DPP10: variants seen among roughly 807,000 people sequenced by gnomAD.
DPP10 encodes the protein inactive dipeptidyl peptidase 10.
DPP10 carries 33 observed loss-of-function variants against 120.9 expected under a neutral mutation model. The observed-to-expected ratio is 0.27, with a 90% CI of 0.21 to 0.37. The LOEUF is 0.37. DPP10 is among the 10% of genes least tolerant of loss of function. DPP10 has a pLI of 1.00. For missense variants in DPP10, 816 were observed against 942.8 expected, an observed-to-expected ratio of 0.87 and a Z score of 1.76; for synonymous variants, 337 against 326.1, an observed-to-expected ratio of 1.03 and a Z score of -0.36.
chr2:115,342,017 C>A, intron 2 of DPP10: 2 of 364,328 alleles, frequency 5.5e-6, no homozygotes, highest in South Asian at 2.1e-5. Context: ...TAAGAAAATG[C>A]CAGATTATTT....
At chr2:114,597,935 C>A (rs954881268) in intron 1 of DPP10, among the ~76,000 whole-genome samples, 1 of 151,814 alleles carries the variant, frequency 6.6e-6, no homozygotes, top group African/African-American at 2.4e-5. Flanking sequence ...GTATGCAGTA[C>A]AATAATCTGG....
intron 1 of DPP10, among the ~76,000 whole-genome samples, chr2:114,612,582 A>G (rs916964113): frequency 1.3e-5 from 2 of 152,134 alleles, no homozygotes; most frequent in African/African-American, 4.8e-5. Flanking sequence ...AGGTAAGGCT[A>G]TCCTAAACCT....
chr2:114,984,624 T>G (rs1353702994), intron 1 of DPP10, among the ~76,000 whole-genome samples: 1 of 152,004 alleles, frequency 6.6e-6, no homozygotes, highest in Non-Finnish European at 1.5e-5. Context: ...AAAACCTGTC[T>G]AAATAAATAA....
chr2:115,739,706 C>T (rs1677013572), intron 8 of DPP10, 33 bp from the exon 9 acceptor site: 2 of 1,607,650 alleles, frequency 1.2e-6, no homozygotes, highest in Non-Finnish European at 1.7e-6. Context: ...CACATCTCTA[C>T]AGTTGGTCTC....
chr2:115,428,578 T>C (rs1031573255), intron 3 of DPP10, among the ~76,000 whole-genome samples: 2 of 151,922 alleles, frequency 1.3e-5, no homozygotes, highest in Non-Finnish European at 2.9e-5. Context: ...CCACACACTT[T>C]TAAACAACCA....
chr2:114,721,091 C>G (rs565408647), intron 1 of DPP10, among the ~76,000 whole-genome samples: 1 of 152,342 alleles, frequency 6.6e-6, no homozygotes, highest in African/African-American at 2.4e-5. Flanking sequence ...ACGAGGTAGA[C>G]TTCCAGTGCC....
At chr2:115,693,448 C>G (rs925329677) in intron 7 of DPP10, among the ~76,000 whole-genome samples, 3 of 152,020 alleles carry the variant, frequency 2.0e-5, no homozygotes, top group Non-Finnish European at 2.9e-5. Flanking sequence ...ACACAGAAAC[C>G]CAAGACAACT....
In DPP10 at chr2:114,453,481, C is replaced by T. The variant is rs113603718; in HGVS notation, c.60+10643C>T. Among the ~76,000 whole-genome samples, 1,495 of 152,140 alleles carry T rather than the reference C, an allele frequency of 9.8e-3. 14 individuals are homozygous for T. The highest frequency in any genetic ancestry group is 0.015 in the Non-Finnish European group (998 of 67,978). Reference sequence around the variant, plus strand: ...ATGAAACAAAATAATGGTGATATCCCTCATCAAATAATTAGGGTTCTCAGG... The same window carrying T: ...ATGAAACAAAATAATGGTGATATCCTTCATCAAATAATTAGGGTTCTCAGG... On this transcript the variant is annotated intron_variant, in intron 1 of 25. Transcript: ENST00000410059.
At chr2:115,086,279 C>T (rs556021776) in intron 1 of DPP10, among the ~76,000 whole-genome samples, 2 of 152,200 alleles carry the variant, frequency 1.3e-5, no homozygotes, top group Admixed American at 6.5e-5. Context: ...TTGGTCTCTA[C>T]GATCTTTTAT....
chr2:115,372,004 A>G (rs1323458130), intron 3 of DPP10, among the ~76,000 whole-genome samples: 1 of 152,132 alleles, frequency 6.6e-6, no homozygotes, highest in Non-Finnish European at 1.5e-5. Flanking sequence ...GGGACTTTAT[A>G]TGCTAATTTT....
At chr2:115,444,654 A>T (rs1228409213) in intron 3 of DPP10, among the ~76,000 whole-genome samples, 3 of 152,158 alleles carry the variant, frequency 2.0e-5, no homozygotes, top group Non-Finnish European at 4.4e-5. Flanking sequence ...TGGGTTTTAG[A>T]CTATAGGTGG....
chr2:115,739,370 A>T (rs1676974055), intron 8 of DPP10, among the ~76,000 whole-genome samples: 1 of 152,022 alleles, frequency 6.6e-6, no homozygotes, highest in Non-Finnish European at 1.5e-5. Context: ...ATGATGGTAG[A>T]ATGCAAATAT....
intron 7 of DPP10, among the ~76,000 whole-genome samples, chr2:115,710,056 T>G (rs569749189): frequency 3.3e-5 from 5 of 152,152 alleles, no homozygotes; most frequent in African/African-American, 9.6e-5. Context: ...AACATATAAG[T>G]AGGACCAACA....
intron 5 of DPP10, among the ~76,000 whole-genome samples, chr2:115,648,081 A>G (rs2087430451): frequency 6.6e-6 from 1 of 152,146 alleles, no homozygotes; most frequent in African/African-American, 2.4e-5. Context: ...GATCCCTCAC[A>G]TCTAGCTTAC....
intron 1 of DPP10, among the ~76,000 whole-genome samples, chr2:115,074,443 C>A (rs986160920): frequency 6.6e-6 from 1 of 152,116 alleles, no homozygotes; most frequent in African/African-American, 2.4e-5. Flanking sequence ...CATAGCCACA[C>A]GTATGAAATT....
intron 2 of DPP10, among the ~76,000 whole-genome samples, chr2:115,325,655 T>G (rs1261600367): frequency 6.6e-6 from 1 of 152,138 alleles, no homozygotes; most frequent in Non-Finnish European, 1.5e-5. Context: ...TGTATTAATT[T>G]ATTTAAGATG....
chr2:114,811,114 T>C (rs1308229797), intron 1 of DPP10, among the ~76,000 whole-genome samples: 2 of 152,116 alleles, frequency 1.3e-5, no homozygotes, highest in Non-Finnish European at 2.9e-5. Flanking sequence ...TGGAGTAAAC[T>C]TTCACAGGAC....
At chr2:115,429,051 A>T (rs2070740114) in intron 3 of DPP10, among the ~76,000 whole-genome samples, 1 of 152,272 alleles carries the variant, frequency 6.6e-6, no homozygotes, top group South Asian at 2.1e-4. Flanking sequence ...GAGTGAAGAA[A>T]TGTACAGAAG....
intron 5 of DPP10, among the ~76,000 whole-genome samples, chr2:115,621,686 T>C (rs13417673): frequency 0.014 from 2,090 of 152,294 alleles, 55 homozygotes; most frequent in African/African-American, 0.048. Flanking sequence ...GGTTTGTTTG[T>C]TTGTTTGTTT....
Sources: gnomAD v4.1 joint callset for allele counts (sites outside exome capture counted in the v4.1 genomes callset) on GRCh38, gnomAD v4.1.1 for gene constraint, MANE v1.5 for transcripts, NCBI Gene and HGNC (gene_info 2026-07-23, HGNC 2026-07-21) for gene names.